ABCC1: variants seen among roughly 807,000 people sequenced by gnomAD.
ABCC1 encodes multidrug resistance-associated protein 1.
ABCC1 carries 83 observed loss-of-function variants against 172.9 expected under a neutral mutation model. The observed-to-expected ratio is 0.48, with a 90% CI of 0.40 to 0.58. ABCC1 has a LOEUF of 0.58. Ranked by LOEUF, ABCC1 falls within the 20% of genes least tolerant of loss-of-function variation. The pLI, the probability that ABCC1 is intolerant of heterozygous loss-of-function variation, is 0.00. For missense variants in ABCC1, 1,817 were observed against 2,002.7 expected (o/e 0.91, Z 1.77); for synonymous variants, 937 against 825.2 (o/e 1.14, Z -2.32).
rs769478529 is a variant in ABCC1 at position 16,076,316 on chromosome 16, T to G, written c.1913-10T>G. 6 of 1,612,548 alleles carry G rather than the reference T, an allele frequency of 3.7e-6. No homozygotes were observed. The Admixed American group carries it at 8.4e-5, about 22-fold the overall frequency. The stretch of plus-strand genomic sequence containing the variant: ...TCAGCCTGTCCCTGACATGTCTCTG[T>G]GCTTTGTAGGCGGGGGCACGAACAG... On this transcript the variant is annotated splice_polypyrimidine_tract_variant and intron_variant, in intron 14 of 30. Coordinates refer to ENST00000399410, the MANE Select transcript of ABCC1 (RefSeq NM_004996.4).
intron 3 of ABCC1, among the ~76,000 whole-genome samples, chr16:16,010,210 AT>A (rs1362229397): frequency 6.6e-6 from 1 of 151,516 alleles, no homozygotes; most frequent in African/African-American, 2.4e-5. Context: ...CGCCCAGCTT[AT>A]TTTTGGCTAA....
At chr16:16,064,087 T>C (rs1487625449) in intron 12 of ABCC1, among the ~76,000 whole-genome samples, 1 of 152,152 alleles carries the variant, frequency 6.6e-6, no homozygotes, top group Non-Finnish European at 1.5e-5. Flanking sequence ...AGATGCCAGG[T>C]AGGCAGGAAG....
intron 1 of ABCC1, among the ~76,000 whole-genome samples, chr16:15,986,938 G>A: frequency 6.6e-6 from 1 of 152,208 alleles, no homozygotes; most frequent in African/African-American, 2.4e-5. Flanking sequence ...GCTGAGGCAG[G>A]TGGATCACTT....
intron 1 of ABCC1, among the ~76,000 whole-genome samples, chr16:15,999,769 T>TTCTCTCCCTCTCTCTCTCTCTC (rs2047186806): frequency 3.9e-5 from 1 of 25,360 alleles, no homozygotes; most frequent in African/African-American, 1.1e-4. Context: ...CCCGGCCTCT[T>TTCTCTCCCTCTCTCTCTCTCTC]TCTCTCTCTC....
intron 27 of ABCC1, 140 bp downstream of exon 27, chr16:16,132,075 A>T: frequency 9.1e-7 from 1 of 1,102,266 alleles, no homozygotes; most frequent in East Asian, 2.6e-5. Flanking sequence ...GGGGGCTGGG[A>T]GTGGACTGTG....
intron 20 of ABCC1, 145 bp downstream of exon 20, chr16:16,102,862 G>C: frequency 1.3e-6 from 1 of 747,704 alleles, no homozygotes; most frequent in Non-Finnish European, 2.2e-6. Flanking sequence ...CAAGGACCTT[G>C]CTTTTCAGAG....
chr16:16,007,560 T>C (rs1056034181), intron 1 of ABCC1, among the ~76,000 whole-genome samples: 4 of 152,058 alleles, frequency 2.6e-5, no homozygotes, highest in Admixed American at 6.6e-5. Context: ...TTTTTATTTA[T>C]TTATTTTGAG....
At chr16:15,952,352 G>A (rs546521506) in intron 1 of ABCC1, among the ~76,000 whole-genome samples, 3 of 152,246 alleles carry the variant, frequency 2.0e-5, no homozygotes, top group South Asian at 2.1e-4. Context: ...TGAGGCACCC[G>A]TGCCTGGCTC....
chr16:16,033,594 A>C (rs1238502893), intron 6 of ABCC1, among the ~76,000 whole-genome samples: 1 of 152,168 alleles, frequency 6.6e-6, no homozygotes, highest in East Asian at 1.9e-4. Flanking sequence ...TCAGCAGTGC[A>C]GGAGACATCT....
chr16:16,004,457 C>T (rs904168834), intron 1 of ABCC1, among the ~76,000 whole-genome samples: 1 of 152,030 alleles, frequency 6.6e-6, no homozygotes, highest in African/African-American at 2.4e-5. Flanking sequence ...GCCATCACCT[C>T]AGGAATTAAC....
chr16:16,115,593 C>T (rs1055952746), intron 23 of ABCC1, among the ~76,000 whole-genome samples: 4 of 152,082 alleles, frequency 2.6e-5, no homozygotes, highest in Admixed American at 2.0e-4. Flanking sequence ...GTGATCCACC[C>T]ACCTCGACCT....
At chr16:15,999,580 A>G (rs1395603050) in intron 1 of ABCC1, among the ~76,000 whole-genome samples, 1 of 150,666 alleles carries the variant, frequency 6.6e-6, no homozygotes, top group African/African-American at 2.4e-5. Flanking sequence ...TCTCCATTGC[A>G]CTCCAGCCTG....
intron 1 of ABCC1, among the ~76,000 whole-genome samples, chr16:15,950,426 C>T (rs1343357846): frequency 1.3e-5 from 2 of 152,144 alleles, no homozygotes; most frequent in Non-Finnish European, 2.9e-5. Context: ...TGTGCCCTAC[C>T]TGACCCTCGG....
At chr16:16,067,798 G>C (rs1365197005) in intron 12 of ABCC1, among the ~76,000 whole-genome samples, 3 of 152,140 alleles carry the variant, frequency 2.0e-5, no homozygotes, top group Admixed American at 6.5e-5. Flanking sequence ...GTGGCCCCCT[G>C]GATGGAAGAT....
Position 16,004,191 on chromosome 16 carries a change from G to C in ABCC1, c.49-3625G>C, listed in dbSNP as rs114192793. 6.0e-3 allele frequency among the ~76,000 whole-genome samples: 917 copies of C among 152,158 alleles called. 10 individuals are homozygous for C. Among genetic ancestry groups the C allele is most frequent in the African/African-American group, 0.021 (878 of 41,500 alleles). On this transcript the variant is annotated intron_variant, in intron 1 of 30. Transcript: ENST00000399410. ...GGCTGTAGCGGGGAGGACTCAGTAG[G>C]ACAAGGAGAGGCTGGAGGCAGTGAA... is the stretch of plus-strand genomic sequence containing the variant.
chr16:16,103,989 G>A (rs574949579), intron 20 of ABCC1, among the ~76,000 whole-genome samples: 2 of 152,206 alleles, frequency 1.3e-5, no homozygotes, highest in African/African-American at 4.8e-5. Flanking sequence ...GCTGGCCTCA[G>A]GAGTGAAGCT....
At chr16:16,050,461 A>C (rs1361684403) in intron 10 of ABCC1, among the ~76,000 whole-genome samples, 1 of 151,990 alleles carries the variant, frequency 6.6e-6, no homozygotes, top group Non-Finnish European at 1.5e-5. Flanking sequence ...TCTGTCTCAA[A>C]AAAAAGAAAA....
At position 16,093,062 on chromosome 16, in the gene ABCC1, G is replaced by A. The variant is rs191646993; in HGVS notation, c.2644+2474G>A. 1.6e-3 allele frequency among the ~76,000 whole-genome samples: 240 copies of A among 152,260 alleles called. 2 individuals are homozygous for A. The highest frequency in any genetic ancestry group is 5.4e-3 in the African/African-American group (224 of 41,552). On this transcript the variant is annotated intron_variant, in intron 19 of 30. Transcript: ENST00000399410. ...ATTCCCTTCAGCTTTTAAATTATTT[G>A]ATTAGACTGAATTTCTGCATGTTCA...
Position 16,142,579 on chromosome 16 carries a change from G to T in ABCC1, c.*1298G>T, listed in dbSNP as rs376412474. Reference sequence around the variant, plus strand: ...CTGATGCTCTTCCAGGACACGAAAAGAACCCATCTTTGAATATCAATGATT... The same window carrying T: ...CTGATGCTCTTCCAGGACACGAAAATAACCCATCTTTGAATATCAATGATT... On this transcript the variant is annotated 3_prime_UTR_variant, in exon 31 of 31. Coordinates refer to ENST00000399410, the MANE Select transcript of ABCC1 (RefSeq NM_004996.4). 2 of 145,272 alleles carry T rather than the reference G, an allele frequency of 1.4e-5. No individual in the cohort carries two copies. Among genetic ancestry groups the T allele is most frequent in the South Asian group, 2.2e-4 (1 of 4,460 alleles). 9.0% of individuals were successfully genotyped at this position (145,272 alleles called of 1,614,324 possible). A position where few individuals can be genotyped will look rare whatever the true frequency, so the allele number is the denominator to read the frequency against.
Sources: allele counts gnomAD v4.1 joint callset (sites outside exome capture counted in the v4.1 genomes callset), GRCh38; gene constraint gnomAD v4.1.1; transcripts MANE v1.5; gene names NCBI Gene and HGNC (gene_info 2026-07-23, HGNC 2026-07-21).